TNS4: variants seen among roughly 807,000 people sequenced by gnomAD.
TNS4 encodes tensin-4.
TNS4 carries 46 observed loss-of-function variants against 70.4 expected under a neutral mutation model. The ratio of observed to expected loss-of-function variants is 0.65; its 90% confidence interval spans 0.52 to 0.84. The LOEUF is 0.84. Among genes scored for constraint, TNS4 ranks in the 40% least tolerant of loss-of-function variants. The pLI is 0.00. For synonymous variants in TNS4, 390 were observed against 366.6 expected, an observed-to-expected ratio of 1.06 and a Z score of -0.73; for missense variants, 863 against 907.0, an observed-to-expected ratio of 0.95 and a Z score of 0.62.
chr17:40,488,598 TC>T lies in TNS4; in HGVS notation c.810del (p.Ile271SerfsTer70). On this transcript the variant is annotated frameshift_variant, in exon 3 of 13. Transcript: ENST00000254051. LOFTEE classifies it high-confidence loss of function. ...LGGLAPQRGS[R>X]ISVLSASPVS... is the part of the protein sequence containing the mutation. ...ACTGGGCTGGCTGACAGCACAGAGA[TC>T]CTGCTGCCCCGCTGTGGGGCCAGGC... The T allele has an allele frequency of 6.6e-7, 1 of 1,514,572 alleles. No homozygotes were observed. The highest frequency in any genetic ancestry group is 8.8e-7 in the Non-Finnish European group (1 of 1,131,618). 93.8% of individuals were successfully genotyped at this position (1,514,572 alleles called of 1,614,324 possible).
intron 10 of TNS4, among the ~76,000 whole-genome samples, chr17:40,479,100 G>A (rs934541473): frequency 1.3e-5 from 2 of 152,148 alleles, no homozygotes; most frequent in Non-Finnish European, 2.9e-5. Context: ...ATCAATGGGT[G>A]CAGGCATAAT....
intron 7 of TNS4, 40 bp downstream of exon 7, chr17:40,482,284 C>T (rs2035931767): frequency 4.3e-6 from 7 of 1,613,520 alleles, no homozygotes; most frequent in Non-Finnish European, 1.7e-6. Flanking sequence ...ACTTCGCTGG[C>T]CCCCCATCCC....
At chr17:40,478,702 C>T in intron 10 of TNS4, 54 bp from the exon 11 acceptor site, 1 of 1,589,530 alleles carries the variant, frequency 6.3e-7, no homozygotes, top group Non-Finnish European at 8.6e-7. Context: ...CCAGTGTCAT[C>T]CTGCCTCCAG....
At chr17:40,481,002 C>G (rs951116664) in intron 8 of TNS4, 3 of 517,418 alleles carry the variant, frequency 5.8e-6, no homozygotes, top group South Asian at 5.1e-5. Context: ...CTCGCCCCCC[C>G]ACCTCTTAGA....
At chr17:40,482,251 C>T (rs1363621789) in intron 7 of TNS4, 45 bp from the exon 8 acceptor site, 1 of 1,613,940 alleles carries the variant, frequency 6.2e-7, no homozygotes, top group Admixed American at 1.7e-5. Flanking sequence ...CTTCCCCAAC[C>T]CACCCCTCAG....
Position 40,496,389 on chromosome 17 carries a change from C to T in TNS4, c.37G>A (p.Gly13Ser), listed in dbSNP as rs1294865717. ...CAAGGCGCCAAGCTGACAGCATGGC[C>T]TCCTGCCAGCAGTGGGCTGGACATC... Reference protein sequence around the residue: ...QVMSSPLLAGGHAVSLAPCDE... With the variant: ...QVMSSPLLAGSHAVSLAPCDE... Residue 13 changes from glycine (G) to serine (S), a missense_variant, in exon 2 of 13, where the codon GGC becomes AGC. By Grantham distance (56) the Gly-to-Ser change is moderately conservative (BLOSUM62 0). Coordinates refer to ENST00000254051, the MANE Select transcript of TNS4 (RefSeq NM_032865.6). 3 of 1,613,036 alleles carry T rather than the reference C, an allele frequency of 1.9e-6. No homozygotes were observed. Among genetic ancestry groups the T allele is most frequent in the East Asian group, 2.2e-5 (1 of 44,880 alleles).
chr17:40,484,433 C>T (rs1332473437), intron 6 of TNS4, 51 bp downstream of exon 6: 1 of 1,595,178 alleles, frequency 6.3e-7, no homozygotes, highest in Non-Finnish European at 8.5e-7. Context: ...GAACCTACCA[C>T]ACCCCGCTGC....
chr17:40,492,072 A>G (rs768889633), intron 2 of TNS4, among the ~76,000 whole-genome samples: 5 of 152,104 alleles, frequency 3.3e-5, no homozygotes, highest in Admixed American at 1.3e-4. Context: ...GGGGCAGGGA[A>G]CCTGGGGAAG....
At chr17:40,481,999 C>T (rs627857) in intron 8 of TNS4, 130 bp downstream of exon 8, 446,375 of 1,020,986 alleles carry the variant, frequency 0.44, 103,142 homozygotes, top group Non-Finnish European at 0.48. Flanking sequence ...AGATGTTGAG[C>T]GACTCCAGTG....
At chr17:40,480,809 G>A in intron 8 of TNS4, 41 bp from the exon 9 acceptor site, 1 of 1,594,820 alleles carries the variant, frequency 6.3e-7, no homozygotes, top group South Asian at 1.1e-5. Context: ...AAGGGGCGGG[G>A]GTGGAGTGAA....
rs201270865 is a variant in TNS4, at chr17:40,484,474, A to G, written c.1501+10T>C. ...TGAGGCCTTGAGTGAGCACAGAGAC[A>G]GACGCATACCTGGTCGACTCTGAGC... On this transcript the variant is annotated intron_variant, in intron 6 of 12. Coordinates refer to ENST00000254051, the MANE Select transcript of TNS4 (RefSeq NM_032865.6). The G allele has an allele frequency of 9.7e-4, 1,553 of 1,608,896 alleles. 7 individuals carry two copies. In the South Asian group the frequency reaches 9.9e-3, roughly 10 times the overall value.
chr17:40,481,078 C>T (rs1218238161), intron 8 of TNS4, among the ~76,000 whole-genome samples: 2 of 152,182 alleles, frequency 1.3e-5, no homozygotes, highest in African/African-American at 2.4e-5. Flanking sequence ...CTGTCTCAAC[C>T]CCTGACCTGT....
rs527463941 is a variant in TNS4, at chr17:40,480,743, C to T, written c.1698G>A (p.Ser566=). 9.8e-5 allele frequency: 157 copies of T among 1,599,490 alleles called. No homozygotes were observed. Among genetic ancestry groups the T allele is most frequent in the Middle Eastern group, 1.7e-4 (1 of 6,038 alleles). ...AGGAGGCTGGGCTGTCTGTAGAGTCCGAGGCCCCATCTGCACCTCCCAGTT... is the reference window on the plus strand; with the variant it reads ...AGGAGGCTGGGCTGTCTGTAGAGTCTGAGGCCCCATCTGCACCTCCCAGTT... ...QRELGGADGA[S]DSTDSPASCQ... is the part of the protein sequence containing the mutation. Residue 566 remains serine, a synonymous_variant, in exon 9 of 13, where the codon TCG becomes TCA. Transcript: ENST00000254051.
intron 4 of TNS4, 64 bp from the exon 5 acceptor site, chr17:40,485,071 C>T: frequency 6.9e-7 from 1 of 1,452,200 alleles, no homozygotes; most frequent in Non-Finnish European, 9.7e-7. Flanking sequence ...GGATGTTCAC[C>T]AGAGAAGGCT....
At chr17:40,479,544 C>T in intron 10 of TNS4, 130 bp downstream of exon 10, 1 of 1,162,830 alleles carries the variant, frequency 8.6e-7, no homozygotes, top group Non-Finnish European at 1.2e-6. Flanking sequence ...TCACTCAGCA[C>T]ATCACTGGCC....
Position 40,487,331 on chromosome 17 carries a change from G to T in TNS4, c.993C>A (p.Asp331Glu). Reference protein sequence around the residue: ...GSVSLCTRPSDFQAPRNPTLT... With the variant: ...GSVSLCTRPSEFQAPRNPTLT... ...GGGTGGGGTTTCTGGGAGCCTGGAA[G>T]TCACTGGGTCTTGTACACAGGGACA... The change falls in exon 4 of 13, where the codon GAC becomes GAA. Residue 331 changes from aspartate to glutamate, a missense_variant. By Grantham distance (45) the Asp-to-Glu change is conservative. Transcript: ENST00000254051. The T allele has an allele frequency of 6.2e-7, 1 of 1,614,216 alleles. No individual in the cohort carries two copies. Among genetic ancestry groups the T allele is most frequent in the South Asian group, 1.1e-5 (1 of 91,078 alleles).
At chr17:40,500,484 CG>C (rs903375700) in intron 1 of TNS4, among the ~76,000 whole-genome samples, 1 of 152,052 alleles carries the variant, frequency 6.6e-6, no homozygotes, top group Non-Finnish European at 1.5e-5. Flanking sequence ...AGGCACGGGG[CG>C]GGGGCAAGGA....
In TNS4 at chr17:40,501,331, C is replaced by T. The variant is rs553680415; in HGVS notation, c.-96+203G>A. On this transcript the variant is annotated intron_variant, in intron 1 of 12. Coordinates refer to ENST00000254051, the MANE Select transcript of TNS4 (RefSeq NM_032865.6). ...GCATGGTGGCAAACATCTGTAATCCCTGTTACTTGGGAGGCTGAGGCAGGA... is the reference window on the plus strand; with the variant it reads ...GCATGGTGGCAAACATCTGTAATCCTTGTTACTTGGGAGGCTGAGGCAGGA... 2.1e-3 allele frequency among the ~76,000 whole-genome samples: 313 copies of T among 150,610 alleles called. 1 individual carries two copies. The highest frequency in any genetic ancestry group is 3.7e-3 in the Non-Finnish European group (248 of 67,894).
At chr17:40,495,273 A>G (rs551229480) in intron 2 of TNS4, among the ~76,000 whole-genome samples, 2 of 152,066 alleles carry the variant, frequency 1.3e-5, no homozygotes, top group African/African-American at 4.8e-5. Context: ...ATTTACATCT[A>G]TTGTGTTGGT....
Sources: gnomAD v4.1 joint callset for allele counts (sites outside exome capture counted in the v4.1 genomes callset) on GRCh38, gnomAD v4.1.1 for gene constraint, MANE v1.5 for transcripts, NCBI Gene and HGNC (gene_info 2026-07-23, HGNC 2026-07-21) for gene names.